Variants in AUTS2 observed in about 807,000 individuals in gnomAD.
AUTS2 encodes the protein autism susceptibility gene 2 protein.
In AUTS2, 17 loss-of-function variants were observed where a neutral mutation model predicts 112.4. The observed-to-expected ratio is 0.15, with a 90% CI of 0.10 to 0.23. AUTS2 has a LOEUF of 0.23. Ranked by LOEUF, AUTS2 falls within the 10% of genes least tolerant of loss-of-function variation. The pLI, the probability that AUTS2 is intolerant of heterozygous loss-of-function variation, is 1.00. For synonymous variants in AUTS2, 751 were observed against 702.7 expected (o/e 1.07, Z -1.09); for missense variants, 1,510 against 1,701.6 (o/e 0.89, Z 1.98).
rs116311652 is a variant in AUTS2, at chr7:70,072,437, T to A, written c.523-45695T>A. Reference sequence around the variant, plus strand: ...TAGTAGAATAAGAACTGCCACTTCATGACAGATGGGTTTCTCTCGTTTTCC... The same window carrying A: ...TAGTAGAATAAGAACTGCCACTTCAAGACAGATGGGTTTCTCTCGTTTTCC... On this transcript the variant is annotated intron_variant, in intron 2 of 18. Transcript: ENST00000342771. 2.9e-3 allele frequency among the ~76,000 whole-genome samples: 448 copies of A among 152,338 alleles called. 5 individuals are homozygous for A. Among genetic ancestry groups the A allele is most frequent in the African/African-American group, 0.01 (433 of 41,580 alleles).
chr7:70,452,158 A>G (rs910335361), intron 5 of AUTS2, among the ~76,000 whole-genome samples: 5 of 152,110 alleles, frequency 3.3e-5, no homozygotes, highest in Admixed American at 6.5e-5. Context: ...AAAAATCTAG[A>G]TATAAAATAC....
chr7:70,611,688 A>G (rs1231696117), intron 5 of AUTS2, among the ~76,000 whole-genome samples: 3 of 152,220 alleles, frequency 2.0e-5, no homozygotes, highest in African/African-American at 7.2e-5. Context: ...ACAATTACGC[A>G]GTCACAATGG....
chr7:70,680,508 C>G (rs1808153670), intron 5 of AUTS2, among the ~76,000 whole-genome samples: 1 of 152,192 alleles, frequency 6.6e-6, no homozygotes, highest in Admixed American at 6.5e-5. Flanking sequence ...CTCATGTGAT[C>G]CGGTCCAGGT....
intron 6 of AUTS2, among the ~76,000 whole-genome samples, chr7:70,740,775 A>G (rs1159581837): frequency 1.3e-5 from 2 of 152,188 alleles, no homozygotes; most frequent in South Asian, 2.1e-4. Flanking sequence ...GACAATGGCT[A>G]GATGCTGTTT....
intron 15 of AUTS2, chr7:70,782,087 G>A (rs17604552): frequency 0.14 from 37,406 of 268,280 alleles, 3,286 homozygotes; most frequent in Middle Eastern, 0.25. Flanking sequence ...AGGGCAGATC[G>A]GAAGGAAACA....
intron 1 of AUTS2, among the ~76,000 whole-genome samples, chr7:69,659,060 G>T (rs930387444): frequency 1.3e-5 from 2 of 152,208 alleles, no homozygotes; most frequent in African/African-American, 4.8e-5. Context: ...CAGATGTTTG[G>T]TGACCTTGAA....
chr7:69,624,623 A>G (rs1439046988), intron 1 of AUTS2, among the ~76,000 whole-genome samples: 1 of 152,156 alleles, frequency 6.6e-6, no homozygotes, highest in Non-Finnish European at 1.5e-5. Flanking sequence ...GCAGCTACAC[A>G]TCTGTGCTCT....
At chr7:70,666,298 C>T (rs1324201503) in intron 5 of AUTS2, among the ~76,000 whole-genome samples, 1 of 152,172 alleles carries the variant, frequency 6.6e-6, no homozygotes, top group Admixed American at 6.5e-5. Context: ...TCCAGCACGA[C>T]ACTAAGTGAT....
At chr7:70,608,014 A>G (rs768767244) in intron 5 of AUTS2, among the ~76,000 whole-genome samples, 2 of 152,216 alleles carry the variant, frequency 1.3e-5, no homozygotes, top group Non-Finnish European at 2.9e-5. Flanking sequence ...GGACACTGGT[A>G]CCCTAAGCAC....
intron 4 of AUTS2, among the ~76,000 whole-genome samples, chr7:70,239,727 A>G (rs1432518439): frequency 6.6e-6 from 1 of 151,916 alleles, no homozygotes; most frequent in Non-Finnish European, 1.5e-5. Flanking sequence ...GAGCCACCAT[A>G]CCCGGCCCCT....
intron 2 of AUTS2, among the ~76,000 whole-genome samples, chr7:70,021,802 C>T (rs561462020): frequency 1.3e-5 from 2 of 152,126 alleles, no homozygotes; most frequent in Non-Finnish European, 2.9e-5. Flanking sequence ...ATACAGCCTT[C>T]AGCATTGCTT....
chr7:70,422,778 G>GA lies in AUTS2; in HGVS notation c.661-12964dup, dbSNP rs542867960. The stretch of plus-strand genomic sequence containing the variant: ...GCAACAGAGTGAGACTCTGTCTCAA[G>GA]AAAAAAAAAATTATACCCATCTTTT... On this transcript the variant is annotated intron_variant, in intron 4 of 18. Coordinates refer to ENST00000342771, the MANE Select transcript of AUTS2 (RefSeq NM_015570.4). Among the ~76,000 whole-genome samples the GA allele has an allele frequency of 4.0e-3, 602 of 149,650 alleles. 3 individuals carry two copies. The highest frequency in any genetic ancestry group is 0.014 in the Middle Eastern group (4 of 292).
chr7:69,961,008 A>G (rs6958981), intron 2 of AUTS2, among the ~76,000 whole-genome samples: 55,460 of 151,842 alleles, frequency 0.37, 10,685 homozygotes, highest in African/African-American at 0.49. Context: ...AGATTATTCT[A>G]TGTGTGTGTT....
intron 1 of AUTS2, among the ~76,000 whole-genome samples, chr7:69,876,673 A>G (rs1793818706): frequency 6.6e-6 from 1 of 150,892 alleles, no homozygotes; most frequent in Non-Finnish European, 1.5e-5. Flanking sequence ...AGGGATAATG[A>G]TAACTGCATA....
intron 2 of AUTS2, among the ~76,000 whole-genome samples, chr7:70,027,556 C>T (rs954321531): frequency 3.3e-5 from 5 of 152,086 alleles, no homozygotes; most frequent in Non-Finnish European, 7.4e-5. Flanking sequence ...ACTTAAGACA[C>T]TATATAAAAC....
At chr7:70,336,834 A>C (rs1289924906) in intron 4 of AUTS2, among the ~76,000 whole-genome samples, 2 of 152,144 alleles carry the variant, frequency 1.3e-5, no homozygotes, top group Non-Finnish European at 2.9e-5. Flanking sequence ...ATGACTCATC[A>C]AGATGCTGGT....
At chr7:70,088,274 C>T (rs1803715561) in intron 2 of AUTS2, among the ~76,000 whole-genome samples, 1 of 151,964 alleles carries the variant, frequency 6.6e-6, no homozygotes, top group South Asian at 2.1e-4. Context: ...CAGGCACCCA[C>T]CACCACGCCT....
intron 2 of AUTS2, among the ~76,000 whole-genome samples, chr7:70,005,357 C>T (rs1799499644): frequency 6.6e-6 from 1 of 152,092 alleles, no homozygotes; most frequent in Non-Finnish European, 1.5e-5. Context: ...CCTTGGGGGA[C>T]AGGAACTGTG....
chr7:70,328,778 C>T (rs1054637681), intron 4 of AUTS2, among the ~76,000 whole-genome samples: 6 of 152,138 alleles, frequency 3.9e-5, no homozygotes, highest in Non-Finnish European at 7.3e-5. Context: ...TTAAAAAAAT[C>T]GTTTGAGATG....
Sources: gnomAD v4.1 joint callset for allele counts (sites outside exome capture counted in the v4.1 genomes callset) on GRCh38, gnomAD v4.1.1 for gene constraint, MANE v1.5 for transcripts, NCBI Gene and HGNC (gene_info 2026-07-23, HGNC 2026-07-21) for gene names.